The following CSF2RA variants were observed in gnomAD, a reference collection of about 807,000 sequenced individuals.
CSF2RA encodes granulocyte-macrophage colony-stimulating factor receptor subunit alpha.
A neutral mutation model predicts 51.6 loss-of-function variants in CSF2RA; 42 were observed. The ratio of observed to expected loss-of-function variants is 0.81; its 90% CI spans 0.64 to 1.05. CSF2RA has a LOEUF of 1.05. Among genes scored for constraint, CSF2RA ranks in the 50% least tolerant of loss-of-function variants. CSF2RA has a pLI of 0.00. For synonymous variants in CSF2RA, 222 were observed against 193.0 expected (o/e 1.15, Z -1.24); for missense variants, 530 against 501.1 (o/e 1.06, Z -0.55).
At chrX:1,321,326 G>A in the CSF2RA span, among the ~76,000 whole-genome samples, 1,479 of 152,040 alleles carry the variant, frequency 9.7e-3, 26 homozygotes, top group African/African-American at 0.033. Context: ...AAAATTAGCC[G>A]GGCGACGTGG....
intron 10 of CSF2RA, 28 bp from the exon 11 acceptor site, chrX:1,303,895 G>T (rs367688827): frequency 6.4e-7 from 1 of 1,566,258 alleles, no homozygotes; most frequent in Non-Finnish European, 8.8e-7. Flanking sequence ...ACGATTCACC[G>T]CAGACGCAAA....
rs181029288 is a variant in CSF2RA, at chrX:1,273,008, C to A, written c.-90-1747C>A. Among the ~76,000 whole-genome samples, 545 of 151,174 alleles carry A rather than the reference C, an allele frequency of 3.6e-3. 4 individuals carry two copies. Among genetic ancestry groups the A allele is most frequent in the African/African-American group, 0.013 (522 of 41,232 alleles). ...GTAATTTTTGTGTTTTTAGTAGAGACAACATTTCACCAGGTTGGCCAGGCT... is the reference window on the plus strand; with the variant it reads ...GTAATTTTTGTGTTTTTAGTAGAGAAAACATTTCACCAGGTTGGCCAGGCT... On this transcript the variant is annotated intron_variant, in intron 1 of 12. Transcript: ENST00000381529.
the CSF2RA span, among the ~76,000 whole-genome samples, chrX:1,322,950 A>C: frequency 4.6e-5 from 7 of 150,686 alleles, no homozygotes; most frequent in African/African-American, 9.8e-5. Context: ...TGACACGGTG[A>C]AACCTCATCT....
At chrX:1,295,513 C>T (rs2091854982) in intron 9 of CSF2RA, 57 bp downstream of exon 9, 2 of 1,494,828 alleles carry the variant, frequency 1.3e-6, no homozygotes, top group Non-Finnish European at 1.8e-6. Context: ...CGGTCCCCTA[C>T]TCACCACACC....
chrX:1,283,167 GTTCCTTCC>G (rs55802277), intron 3 of CSF2RA, among the ~76,000 whole-genome samples: 2,327 of 134,100 alleles, frequency 0.017, 45 homozygotes, highest in African/African-American at 0.056. Context: ...TCCTTCCTTC[GTTCCTTCC>G]TTCCTTCCTT....
the CSF2RA span, among the ~76,000 whole-genome samples, chrX:1,323,825 T>C: frequency 6.6e-5 from 10 of 151,264 alleles, no homozygotes; most frequent in South Asian, 2.1e-4. Flanking sequence ...CCATCCTGGC[T>C]AACACGGTGA....
intron 4 of CSF2RA, among the ~76,000 whole-genome samples, chrX:1,286,302 C>T (rs2090646571): frequency 6.7e-6 from 1 of 150,204 alleles, no homozygotes; most frequent in Non-Finnish European, 1.5e-5. Flanking sequence ...GGTGTGGTGG[C>T]TCACGCTTGT....
At chrX:1,290,665 A>G (rs2091314195) in intron 7 of CSF2RA, among the ~76,000 whole-genome samples, 156 bp downstream of exon 7, 1 of 152,008 alleles carries the variant, frequency 6.6e-6, no homozygotes, top group South Asian at 2.1e-4. Context: ...GGGTGTTCAA[A>G]ACCAGCCTGA....
chrX:1,315,271 CAGAT>C (rs1304490476), downstream of CSF2RA, among the ~76,000 whole-genome samples: 40 of 151,734 alleles, frequency 2.6e-4, no homozygotes, highest in Admixed American at 6.6e-4. Context: ...ATATAGAAGA[CAGAT>C]AGATGATTGA....
chrX:1,314,267 GCGCCTGCCCAACCC>G (rs1569514708), downstream of CSF2RA, among the ~76,000 whole-genome samples: 3 of 26,784 alleles, frequency 1.1e-4, no homozygotes, highest in Admixed American at 3.8e-4. Context: ...CAACCCCACT[GCGCCTGCCCAACCC>G]CACTGCATCT....
chrX:1,282,385 T>G, intron 2 of CSF2RA: 1 of 512,290 alleles, frequency 2.0e-6, no homozygotes, highest in South Asian at 2.5e-5. Flanking sequence ...GCCTTTAGTG[T>G]CAGCTATGGG....
intron 2 of CSF2RA, among the ~76,000 whole-genome samples, chrX:1,281,086 CCTCCTGCTCCCCTT>C (rs1209681293): frequency 0.01 from 839 of 81,848 alleles, 2 homozygotes; most frequent in East Asian, 0.027. Context: ...TCCTCCTTCT[CCTCCTGCTCCCCTT>C]CTCCTCCTCC....
At chrX:1,289,437 T>C (rs1447459434) in intron 6 of CSF2RA, among the ~76,000 whole-genome samples, 2 of 152,186 alleles carry the variant, frequency 1.3e-5, no homozygotes, top group Non-Finnish European at 2.9e-5. Context: ...CCTGTTTTTT[T>C]GGTTGTTGTT....
rs144653337 is a variant in CSF2RA, at chrX:1,309,365, G to A, written c.1126-37G>A. 2,291 of 1,596,074 alleles carry A rather than the reference G, an allele frequency of 1.4e-3. 32 individuals are homozygous for A. The African/African-American group carries it at 0.027, about 19-fold the overall frequency. ...GCCCACTGAGTCCCAGGCTGAGCTC[G>A]TGAAGATCTGACAGCCTGAACCCTC... On this transcript the variant is annotated intron_variant, in intron 12 of 12. Coordinates refer to ENST00000381529, the MANE Select transcript of CSF2RA (RefSeq NM_172245.4).
At chrX:1,280,907 CCTT>C (rs2089868927) in intron 2 of CSF2RA, among the ~76,000 whole-genome samples, 4 of 132,286 alleles carry the variant, frequency 3.0e-5, no homozygotes, top group Admixed American at 1.5e-4. Flanking sequence ...TCCTCCTGCT[CCTT>C]CTCCTCCTCC....
chrX:1,282,796 G>C lies in CSF2RA; in HGVS notation c.76+17G>C, dbSNP rs770130009. 6.2e-7 allele frequency: 1 copy of C among 1,607,572 alleles called. No individual in the cohort carries two copies. Among genetic ancestry groups the C allele is most frequent in the Non-Finnish European group, 8.5e-7 (1 of 1,174,408 alleles). On this transcript the variant is annotated intron_variant, in intron 3 of 12. Coordinates refer to ENST00000381529, the MANE Select transcript of CSF2RA (RefSeq NM_172245.4). Reference sequence around the variant, plus strand: ...AGAAATCGGGTAAGTATGGAAACCTGGCTGAACCTTCTCCGCGGCCCCTGT... The same window carrying C: ...AGAAATCGGGTAAGTATGGAAACCTCGCTGAACCTTCTCCGCGGCCCCTGT...
chrX:1,272,733 CA>C (rs2088603399), intron 1 of CSF2RA, among the ~76,000 whole-genome samples: 1 of 151,536 alleles, frequency 6.6e-6, no homozygotes, highest in African/African-American at 2.4e-5. Flanking sequence ...TCAGGTGATC[CA>C]ACCTCCTCGG....
chrX:1,269,517 G>T (rs2088062138), intron 1 of CSF2RA, among the ~76,000 whole-genome samples: 1 of 152,028 alleles, frequency 6.6e-6, no homozygotes, highest in Admixed American at 6.6e-5. Flanking sequence ...CACCTACTCA[G>T]GAGGCTGAGG....
chrX:1,295,799 G>C (rs2091886524), intron 9 of CSF2RA, among the ~76,000 whole-genome samples: 1 of 149,474 alleles, frequency 6.7e-6, no homozygotes, highest in South Asian at 2.1e-4. Flanking sequence ...ACCCCGTGTA[G>C]ACAGGAAGAG....
Sources: allele counts gnomAD v4.1 joint callset (sites outside exome capture counted in the v4.1 genomes callset), GRCh38; gene constraint gnomAD v4.1.1; transcripts MANE v1.5; gene names NCBI Gene and HGNC (gene_info 2026-07-23, HGNC 2026-07-21).